KIF1A: variants seen among roughly 807,000 people sequenced by gnomAD.
The protein encoded by KIF1A is kinesin family member 1A, also known as kinesin-like protein KIF1A.
In KIF1A, 46 loss-of-function variants were observed where a neutral mutation model predicts 227.3. That is an observed-to-expected ratio of 0.20 (90% confidence interval 0.16 to 0.26). The LOEUF is 0.26. Among genes scored for constraint, KIF1A ranks in the 10% least tolerant of loss-of-function variants. The pLI is 1.00. For synonymous variants in KIF1A, 1,022 were observed against 1,012.8 expected (o/e 1.01, Z -0.17); for missense variants, 1,683 against 2,485.9 (o/e 0.68, Z 6.87).
intron 27 of KIF1A, 40 bp from the exon 28 acceptor site, chr2:240,750,587 C>T: frequency 7.0e-7 from 1 of 1,430,378 alleles, no homozygotes; most frequent in Non-Finnish European, 9.8e-7. Context: ...GCCACCCCTC[C>T]ACGCATGTTC....
chr2:240,722,417 C>T (rs745324406), intron 43 of KIF1A, 39 bp downstream of exon 43: 2 of 1,535,590 alleles, frequency 1.3e-6, no homozygotes, highest in African/African-American at 2.8e-5. Flanking sequence ...CCCTTGAGGG[C>T]CTGGGGCTAC....
rs370047330 is a variant in KIF1A, at chr2:240,789,207, G to C, written c.183+29C>G. On this transcript the variant is annotated intron_variant, in intron 3 of 48. Transcript: ENST00000498729. This position sits in a 1 kb window ranked among gnomAD's most constrained non-coding sequence, Gnocchi z 4.8. ...ACATGGCCTATGCACTGCTGCCCCC[G>C]CCTCCCCCGACCCGGGGTCCCGGCT... 2.5e-6 allele frequency: 4 copies of C among 1,591,080 alleles called. No individual in the cohort carries two copies. Among genetic ancestry groups the C allele is most frequent in the South Asian group, 1.1e-5 (1 of 90,620 alleles).
At chr2:240,816,265 T>G (rs2058312545) in intron 1 of KIF1A, among the ~76,000 whole-genome samples, 1 of 151,858 alleles carries the variant, frequency 6.6e-6, no homozygotes, top group Non-Finnish European at 1.5e-5. Context: ...TGAGTGTGCA[T>G]GAGCATGCAT....
chr2:240,772,440 C>T (rs1008758529), intron 14 of KIF1A, 130 bp downstream of exon 14: 4 of 734,346 alleles, frequency 5.4e-6, no homozygotes, highest in Middle Eastern at 2.4e-4. Context: ...GTGCTTTCTG[C>T]CCCCCAAAAA....
At chr2:240,779,094 T>TCATAGTTC (rs1164064468) in intron 10 of KIF1A, among the ~76,000 whole-genome samples, 5 of 142,188 alleles carry the variant, frequency 3.5e-5, no homozygotes, top group African/African-American at 1.4e-4. Context: ...ACTCAGTTCC[T>TCATAGTTC]CACTCACTTC....
rs2056009184 is a variant in KIF1A, at chr2:240,793,556, AGAG to A, written c.106+4088_106+4090del. On this transcript the variant is annotated intron_variant, in intron 2 of 48. Transcript: ENST00000498729. The surrounding 1 kb of genome is among the most constrained non-coding windows in gnomAD (Gnocchi z 4.8). ...TCCTCAGGGCAGAGAATGTGAGGAG[AGAG>A]GAGGAGGACGGAAGCACTCACACTC... is the stretch of plus-strand genomic sequence containing the variant. Among the ~76,000 whole-genome samples, 1 of 152,018 alleles carries A rather than the reference AGAG, an allele frequency of 6.6e-6. No homozygotes were observed. Among genetic ancestry groups the A allele is most frequent in the Admixed American group, 6.6e-5 (1 of 15,262 alleles).
chr2:240,734,278 A>G (rs2047069955), intron 38 of KIF1A, among the ~76,000 whole-genome samples: 1 of 152,182 alleles, frequency 6.6e-6, no homozygotes, highest in Non-Finnish European at 1.5e-5. Flanking sequence ...AGCCCCTTGC[A>G]GGGAGAGGGG....
intron 14 of KIF1A, among the ~76,000 whole-genome samples, chr2:240,771,602 G>A (rs892885530): frequency 3.9e-5 from 6 of 152,114 alleles, no homozygotes; most frequent in African/African-American, 1.4e-4. Context: ...CTGGCTTGGC[G>A]TGGTCACCCA....
intron 1 of KIF1A, among the ~76,000 whole-genome samples, chr2:240,812,962 C>T (rs570439300): frequency 0.03 from 2,434 of 81,056 alleles, no homozygotes; most frequent in South Asian, 0.038. Flanking sequence ...CTCAAGGATC[C>T]ACCTTCACCT....
rs773458867 is a variant in KIF1A, at chr2:240,762,825, A to G, written c.2023-13T>C. ...TGCTCTCATAGTCCTGCAGAAAGCA[A>G]GGCCTGTGACTCCACTACGGCCCTA... On this transcript the variant is annotated splice_polypyrimidine_tract_variant and intron_variant, in intron 22 of 48. Transcript: ENST00000498729. 28 of 1,574,794 alleles carry G rather than the reference A, an allele frequency of 1.8e-5. No homozygotes were observed. The South Asian group carries it at 3.1e-4, about 18-fold the overall frequency.
rs2047884761 is a variant in KIF1A, at chr2:240,740,956, C to T, written c.3749+313G>A. On this transcript the variant is annotated intron_variant, in intron 35 of 48. Transcript: ENST00000498729. The surrounding 1 kb of genome is among the most constrained non-coding windows in gnomAD (Gnocchi z 6.1). ...AAGTCCCTTGATCACTTTGTAAGTG[C>T]TGTCTGCCTCCCTGCCCTGCCCCTG... 6.6e-6 allele frequency among the ~76,000 whole-genome samples: 1 copy of T among 151,938 alleles called. No homozygotes were observed. Among genetic ancestry groups the T allele is most frequent in the Non-Finnish European group, 1.5e-5 (1 of 67,950 alleles).
chr2:240,766,281 G>A lies in KIF1A; in HGVS notation c.1685-488C>T, dbSNP rs1035336151. ...GGCCAGAGGCTGGCTGGATGCTGCC[G>A]GGAGATGCCCTTAGCCTGGGCTGTG... On this transcript the variant is annotated intron_variant, in intron 19 of 48. Coordinates refer to ENST00000498729, the MANE Select transcript of KIF1A (RefSeq NM_001244008.2). The surrounding 1 kb of genome is among the most constrained non-coding windows in gnomAD (Gnocchi z 5.0). Among the ~76,000 whole-genome samples, 2 of 152,202 alleles carry A rather than the reference G, an allele frequency of 1.3e-5. No homozygotes were observed. The highest frequency in any genetic ancestry group is 6.5e-5 in the Admixed American group (1 of 15,284).
At chr2:240,763,958 T>C (rs1380680389) in intron 20 of KIF1A, among the ~76,000 whole-genome samples, 1 of 151,106 alleles carries the variant, frequency 6.6e-6, no homozygotes, top group Non-Finnish European at 1.5e-5. Flanking sequence ...GTCCAGCCCC[T>C]CCCACCCCAG....
intron 45 of KIF1A, among the ~76,000 whole-genome samples, chr2:240,720,444 T>G (rs1025621344): frequency 2.0e-5 from 3 of 152,210 alleles, no homozygotes; most frequent in African/African-American, 4.8e-5. Context: ...AATGAAAATC[T>G]GGAACCCTTA....
rs553008418 is a variant in KIF1A, at chr2:240,783,086, C to A, written c.822G>T (p.Ser274=). 6.2e-7 allele frequency: 1 copy of A among 1,613,728 alleles called. No individual in the cohort carries two copies. The highest frequency in any genetic ancestry group is 2.2e-5 in the East Asian group (1 of 44,868). Residue 274 remains serine, a synonymous_variant, in exon 9 of 49, where the codon TCG becomes TCT. Transcript: ENST00000498729. ...RLKEGANINK[S]LTTLGKVISA... The stretch of plus-strand genomic sequence containing the variant: ...AGATGACCTTGCCCAGGGTGGTCAG[C>A]GACTTGTTGATGTTGGCCCCCTCCT...
chr2:240,737,398 T>G, intron 37 of KIF1A: 1 of 467,356 alleles, frequency 2.1e-6, no homozygotes, highest in South Asian at 2.5e-5. Context: ...TCGGCCACAG[T>G]GAACACCCCC....
At chr2:240,747,372 G>T in intron 28 of KIF1A, 51 bp from the exon 29 acceptor site, 1 of 1,498,576 alleles carries the variant, frequency 6.7e-7, no homozygotes, top group East Asian at 2.3e-5. Flanking sequence ...CCCCTGAGGT[G>T]GGTGTGGGCA....
At chr2:240,735,609 C>T (rs2047221331) in intron 38 of KIF1A, among the ~76,000 whole-genome samples, 1 of 152,196 alleles carries the variant, frequency 6.6e-6, no homozygotes, top group Non-Finnish European at 1.5e-5. Context: ...GCAGACCCGC[C>T]CTTCCGGGCC....
chr2:240,752,170 C>T lies in KIF1A; in HGVS notation c.2859-1623G>A, dbSNP rs939953527. On this transcript the variant is annotated intron_variant, in intron 27 of 48. Transcript: ENST00000498729. This position sits in a 1 kb window ranked among gnomAD's most constrained non-coding sequence, Gnocchi z 6.4. ...CACAACGCCCCCTCTGAAGATGCCC[C>T]CCGAGAAGCGAGTACCCCACACCAA... 6.6e-6 allele frequency among the ~76,000 whole-genome samples: 1 copy of T among 151,978 alleles called. No homozygotes were observed. Among genetic ancestry groups the T allele is most frequent in the Admixed American group, 6.6e-5 (1 of 15,252 alleles).
Sources: gnomAD v4.1 joint callset for allele counts (sites outside exome capture counted in the v4.1 genomes callset) on GRCh38, gnomAD v4.1.1 for gene constraint, Gnocchi (gnomAD v3.1) non-coding constraint, MANE v1.5 for transcripts, NCBI Gene and HGNC (gene_info 2026-07-23, HGNC 2026-07-21) for gene names.